The following PDE5A variants were observed in gnomAD, a reference collection of about 807,000 sequenced individuals.
PDE5A encodes phosphodiesterase 5A.
A neutral mutation model predicts 110.2 loss-of-function variants in PDE5A; 67 were observed. The observed-to-expected ratio is 0.61, with a 90% confidence interval of 0.50 to 0.75. The LOEUF is 0.75. PDE5A is among the 30% of genes least tolerant of loss of function. The pLI is 0.00. For synonymous variants in PDE5A, 328 were observed against 351.2 expected, an observed-to-expected ratio of 0.93 and a Z score of 0.74; for missense variants, 862 against 1,045.1, an observed-to-expected ratio of 0.82 and a Z score of 2.42.
intron 14 of PDE5A, among the ~76,000 whole-genome samples, chr4:119,514,837 T>C (rs1725857616): frequency 6.6e-6 from 1 of 152,186 alleles, no homozygotes; most frequent in South Asian, 2.1e-4. Context: ...CTTTAATCCT[T>C]ATGAAAATCC....
At position 119,628,660 on chromosome 4, in the gene PDE5A, G is replaced by A; in HGVS notation, c.12C>T (p.Ala4=). The A allele has an allele frequency of 1.2e-6, 2 of 1,612,968 alleles. No homozygotes were observed. Among genetic ancestry groups the A allele is most frequent in the Non-Finnish European group, 8.5e-7 (1 of 1,179,946 alleles). MER[A]GPSFGQQRQQ... is the part of the protein sequence containing the mutation. The stretch of plus-strand genomic sequence containing the variant: ...GTCGCTGCTGCCCGAAGCTGGGGCC[G>A]GCCCGCTCCATGGTTGGCACCGCGC... The change falls in exon 1 of 21, where the codon GCC becomes GCT. Residue 4 remains alanine, a synonymous_variant. Coordinates refer to ENST00000354960, the MANE Select transcript of PDE5A (RefSeq NM_001083.4).
At chr4:119,579,886 A>G (rs1728525012) in intron 3 of PDE5A, among the ~76,000 whole-genome samples, 1 of 152,192 alleles carries the variant, frequency 6.6e-6, no homozygotes, top group African/African-American at 2.4e-5. Flanking sequence ...GAATTTTAAA[A>G]CATTTTAAAA....
chr4:119,552,224 AG>A, intron 9 of PDE5A, among the ~76,000 whole-genome samples: 1 of 152,194 alleles, frequency 6.6e-6, no homozygotes, highest in Non-Finnish European at 1.5e-5. Flanking sequence ...TCTTAAAAAA[AG>A]TCAACATCCA....
chr4:119,576,473 T>C (rs909650126), intron 3 of PDE5A, among the ~76,000 whole-genome samples: 5 of 152,030 alleles, frequency 3.3e-5, no homozygotes, highest in African/African-American at 1.2e-4. Context: ...AGAACAGAAA[T>C]TATAACAAAC....
chr4:119,564,825 A>C (rs1727869050), intron 5 of PDE5A, among the ~76,000 whole-genome samples: 2 of 152,178 alleles, frequency 1.3e-5, no homozygotes, highest in South Asian at 2.1e-4. Flanking sequence ...GTTGTAGAAC[A>C]GTATATATTA....
intron 3 of PDE5A, among the ~76,000 whole-genome samples, chr4:119,574,179 CTT>C (rs70944893): frequency 3.4e-5 from 3 of 89,170 alleles, no homozygotes; most frequent in African/African-American, 9.2e-5. Flanking sequence ...AAAATATAGG[CTT>C]TTTTTTTTTT....
intron 15 of PDE5A, among the ~76,000 whole-genome samples, chr4:119,509,714 A>G (rs1170667393): frequency 6.6e-6 from 1 of 152,060 alleles, no homozygotes; most frequent in African/African-American, 2.4e-5. Flanking sequence ...TAGAAAAACA[A>G]TCTGTACTAG....
chr4:119,505,423 C>CTT (rs1384956304), intron 17 of PDE5A, among the ~76,000 whole-genome samples: 1 of 151,936 alleles, frequency 6.6e-6, no homozygotes, highest in African/African-American at 2.4e-5. Context: ...ATCATAGAGA[C>CTT]TTAATAGTAT....
intron 3 of PDE5A, among the ~76,000 whole-genome samples, chr4:119,572,188 A>C (rs1728163428): frequency 6.6e-6 from 1 of 152,106 alleles, no homozygotes; most frequent in Admixed American, 6.6e-5. Context: ...TTTTTAACCT[A>C]ATTTTCTTTA....
intron 3 of PDE5A, among the ~76,000 whole-genome samples, chr4:119,583,125 T>C (rs1273730411): frequency 6.6e-6 from 1 of 152,246 alleles, no homozygotes; most frequent in Non-Finnish European, 1.5e-5. Context: ...GTAGTCTGTT[T>C]AGTCTACATT....
In PDE5A at chr4:119,628,726, G is replaced by A; in HGVS notation, c.-55C>T. On this transcript the variant is annotated 5_prime_UTR_variant, in exon 1 of 21. Transcript: ENST00000354960. ...TGGTACTGCTTTTCCACCCCAGCTG[G>A]GGTCCGTCCCTCAGAAGAACAGGAC... 2 of 1,596,316 alleles carry A rather than the reference G, an allele frequency of 1.3e-6. No homozygotes were observed. The highest frequency in any genetic ancestry group is 1.7e-6 in the Non-Finnish European group (2 of 1,176,424).
At chr4:119,608,129 G>GA (rs1251139296) in intron 1 of PDE5A, among the ~76,000 whole-genome samples, 1 of 152,098 alleles carries the variant, frequency 6.6e-6, no homozygotes, top group African/African-American at 2.4e-5. Flanking sequence ...ATCTTGTATA[G>GA]AAAAATCAGA....
intron 3 of PDE5A, among the ~76,000 whole-genome samples, chr4:119,586,925 T>C (rs1027951330): frequency 1.3e-5 from 2 of 152,220 alleles, no homozygotes; most frequent in Non-Finnish European, 2.9e-5. Context: ...TTTCAAGTTT[T>C]TATTCACTTT....
intron 6 of PDE5A, among the ~76,000 whole-genome samples, chr4:119,561,536 TTGTG>T (rs1727746230): frequency 6.6e-6 from 1 of 152,276 alleles, no homozygotes; most frequent in Non-Finnish European, 1.5e-5. Flanking sequence ...GATATTTAAG[TTGTG>T]TAAAAAAAGG....
intron 15 of PDE5A, 100 bp downstream of exon 15, chr4:119,510,947 C>A (rs1578730286): frequency 3.7e-6 from 3 of 815,134 alleles, no homozygotes; most frequent in Non-Finnish European, 4.0e-6. Flanking sequence ...AAAGTATGTG[C>A]AAGAATTTAT....
At chr4:119,617,093 G>A (rs755019775) in intron 1 of PDE5A, among the ~76,000 whole-genome samples, 53 of 152,170 alleles carry the variant, frequency 3.5e-4, no homozygotes, top group Non-Finnish European at 6.3e-4. Context: ...TGAAAAAAAT[G>A]AAATGTAACT....
At chr4:119,608,730 G>C (rs914915818) in intron 1 of PDE5A, among the ~76,000 whole-genome samples, 2 of 152,162 alleles carry the variant, frequency 1.3e-5, no homozygotes, top group Non-Finnish European at 1.5e-5. Flanking sequence ...AAAAAGCAAT[G>C]TAATCTCAAA....
At chr4:119,527,545 T>A (rs923545427) in intron 11 of PDE5A, among the ~76,000 whole-genome samples, 1 of 152,162 alleles carries the variant, frequency 6.6e-6, no homozygotes, top group Non-Finnish European at 1.5e-5. Flanking sequence ...AATTACCTAT[T>A]ATTTTTACTT....
chr4:119,606,217 G>A (rs1298085170), intron 2 of PDE5A, among the ~76,000 whole-genome samples: 1 of 152,006 alleles, frequency 6.6e-6, no homozygotes, highest in Non-Finnish European at 1.5e-5. Context: ...ATGAAAGAGA[G>A]GATAGAAAGA....
Sources: allele counts gnomAD v4.1 joint callset (sites outside exome capture counted in the v4.1 genomes callset), GRCh38; gene constraint gnomAD v4.1.1; transcripts MANE v1.5; gene names NCBI Gene and HGNC (gene_info 2026-07-23, HGNC 2026-07-21).